Variants in DOCK8 observed in about 807,000 individuals in gnomAD.
The protein encoded by DOCK8 is dedicator of cytokinesis 8.
Under a neutral mutation model 245.6 loss-of-function variants are expected in DOCK8, and 141 were observed. The observed-to-expected ratio is 0.57, with a 90% CI of 0.50 to 0.66. The LOEUF is 0.66. DOCK8 is among the 30% of genes least tolerant of loss of function. DOCK8 has a pLI of 0.00. For missense variants in DOCK8, 2,965 were observed against 2,603.4 expected (o/e 1.14, Z -3.02); for synonymous variants, 1,168 against 970.2 (o/e 1.20, Z -3.79).
At chr9:367,174 C>G (rs1455202528) in intron 14 of DOCK8, among the ~76,000 whole-genome samples, 1 of 152,182 alleles carries the variant, frequency 6.6e-6, no homozygotes, top group Non-Finnish European at 1.5e-5. Flanking sequence ...TGGCCTGACT[C>G]AGGATAAGTC....
In DOCK8 at chr9:336,900, T is replaced by G. The variant is rs11791613; in HGVS notation, c.1422+182T>G. ...GGGTAATTTAAAAAGAAAAGGGATT[T>G]GTTTCTTTCAGTTTTGAAGGCTGAA... On this transcript the variant is annotated intron_variant, in intron 12 of 47. Transcript: ENST00000432829. Among the ~76,000 whole-genome samples, 13,729 of 152,176 alleles carry G rather than the reference T, an allele frequency of 0.09. 1,156 individuals are homozygous for G. Among genetic ancestry groups the G allele is most frequent in the African/African-American group, 0.22 (9,085 of 41,484 alleles).
chr9:425,162 CAT>C (rs2056432879), intron 33 of DOCK8, among the ~76,000 whole-genome samples: 1 of 152,012 alleles, frequency 6.6e-6, no homozygotes, highest in Admixed American at 6.6e-5. Context: ...TATAAAATGA[CAT>C]ATGTGGCCCC....
Position 340,413 on chromosome 9 carries a change from G to A in DOCK8, c.1679+92G>A, listed in dbSNP as rs1012562382. The A allele has an allele frequency of 1.7e-5, 26 of 1,532,056 alleles. No individual in the cohort carries two copies. In the African/African-American group the frequency reaches 2.9e-4, roughly 17 times the overall value. 94.9% of individuals were successfully genotyped at this position (1,532,056 alleles called of 1,614,324 possible). On this transcript the variant is annotated intron_variant, in intron 14 of 47. Coordinates refer to ENST00000432829, the MANE Select transcript of DOCK8 (RefSeq NM_203447.4). Reference sequence around the variant, plus strand: ...AGGCAGGAGGATTGCTTGAGCTCAGGAGTTTGAGACCAGCCTTGGCAACAT... The same window carrying A: ...AGGCAGGAGGATTGCTTGAGCTCAGAAGTTTGAGACCAGCCTTGGCAACAT...
At chr9:332,517 G>C (rs1364438453) in intron 10 of DOCK8, 39 bp downstream of exon 10, 1 of 1,436,154 alleles carries the variant, frequency 7.0e-7, no homozygotes, top group Non-Finnish European at 9.8e-7. Context: ...AGACATCTTA[G>C]AAGAAGCAGG....
At position 418,061 on chromosome 9, in the gene DOCK8, A is replaced by G. The variant is rs770070440; in HGVS notation, c.3701-7A>G. 4.3e-6 allele frequency: 7 copies of G among 1,614,088 alleles called. No individual in the cohort carries two copies. Among genetic ancestry groups the G allele is most frequent in the African/African-American group, 1.3e-5 (1 of 74,944 alleles). On this transcript the variant is annotated splice_polypyrimidine_tract_variant and splice_region_variant and intron_variant, in intron 29 of 47. Coordinates refer to ENST00000432829, the MANE Select transcript of DOCK8 (RefSeq NM_203447.4). ...ACTTGACATCACAAACGATGTTTTC[A>G]TTGCAGTTGCAGATACTCGCAGATA...
chr9:382,691 A>G lies in DOCK8; in HGVS notation c.2778+6A>G. 1.2e-6 allele frequency: 2 copies of G among 1,614,134 alleles called. No individual in the cohort carries two copies. The highest frequency in any genetic ancestry group is 2.2e-5 in the South Asian group (2 of 91,086). Reference sequence around the variant, plus strand: ...AGAACATCATGTCTTCAAAGGTAGGAAAGATGTCAAACCGTGGAAGGGGAC... The same window carrying G: ...AGAACATCATGTCTTCAAAGGTAGGGAAGATGTCAAACCGTGGAAGGGGAC... On this transcript the variant is annotated splice_donor_region_variant and intron_variant, in intron 22 of 47. Coordinates refer to ENST00000432829, the MANE Select transcript of DOCK8 (RefSeq NM_203447.4).
At chr9:332,818 T>A (rs1455100484) in intron 10 of DOCK8, among the ~76,000 whole-genome samples, 1 of 151,848 alleles carries the variant, frequency 6.6e-6, no homozygotes, top group South Asian at 2.1e-4. Flanking sequence ...CCACCATGCT[T>A]GGCTAGTTTT....
rs1320021708 is a variant in DOCK8 at position 334,340 on chromosome 9, T to G, written c.1241T>G (p.Val414Gly). The part of the protein sequence containing the change: ...APISLSSFFN[V>G]STLEREVTDV... ...ATAAGCTTATCAAGCTTCTTCAATG[T>G]CTCCACCCTTGAGAGGGAGGTAACT... Residue 414 changes from valine to glycine, a missense_variant, in exon 11 of 48, where the codon GTC (valine) becomes GGC (glycine). Around this residue, in one of 3 missense-constraint regions of DOCK8, gnomAD observed 2,825 missense variants for 2,453.5 expected, o/e 1.15. Coordinates refer to ENST00000432829, the MANE Select transcript of DOCK8 (RefSeq NM_203447.4). 6 of 1,614,148 alleles carry G rather than the reference T, an allele frequency of 3.7e-6. No homozygotes were observed. Among genetic ancestry groups the G allele is most frequent in the Non-Finnish European group, 5.1e-6 (6 of 1,179,994 alleles).
chr9:212,235 A>T (rs1181855808), upstream of DOCK8, among the ~76,000 whole-genome samples: 3 of 152,222 alleles, frequency 2.0e-5, no homozygotes, highest in African/African-American at 7.2e-5. Context: ...TAAAATAGGT[A>T]AGATGCAATG....
chr9:428,542 TTCTCATCTAGCTTCATACTTC>T, intron 35 of DOCK8, 46 bp downstream of exon 35: 2 of 1,608,746 alleles, frequency 1.2e-6, no homozygotes, highest in Non-Finnish European at 8.5e-7. Flanking sequence ...AAGAGTAAGA[TTCTCATCTAGCTTCATACTTC>T]TCTCTTCAGG....
intron 1 of DOCK8, chr9:215,272 C>T (rs769490613): frequency 2.5e-6 from 4 of 1,606,620 alleles, no homozygotes; most frequent in South Asian, 2.2e-5. Context: ...TGTCCTCAGC[C>T]GCCGGGGATC....
chr9:288,723 G>C (rs1393317176), intron 3 of DOCK8, among the ~76,000 whole-genome samples: 1 of 152,122 alleles, frequency 6.6e-6, no homozygotes, highest in Non-Finnish European at 1.5e-5. Flanking sequence ...ACTGGCTTAT[G>C]GTCACATAGC....
intron 5 of DOCK8, among the ~76,000 whole-genome samples, chr9:310,937 A>G (rs1179369288): frequency 6.6e-6 from 1 of 152,194 alleles, no homozygotes; most frequent in Non-Finnish European, 1.5e-5. Flanking sequence ...CAATATGGCA[A>G]AGCATGAGAG....
At chr9:348,436 A>G (rs2130994547) in intron 14 of DOCK8, among the ~76,000 whole-genome samples, 1 of 152,328 alleles carries the variant, frequency 6.6e-6, no homozygotes, top group South Asian at 2.1e-4. Context: ...GTTACAGCCC[A>G]TATAGAACGG....
At chr9:282,086 A>C (rs748892349) in intron 2 of DOCK8, among the ~76,000 whole-genome samples, 3 of 152,182 alleles carry the variant, frequency 2.0e-5, no homozygotes, top group Non-Finnish European at 2.9e-5. Flanking sequence ...ATGATGATAT[A>C]TGTTCTTTAT....
intron 18 of DOCK8, among the ~76,000 whole-genome samples, chr9:373,033 G>A (rs1160918521): frequency 6.6e-6 from 1 of 152,184 alleles, no homozygotes; most frequent in Non-Finnish European, 1.5e-5. Flanking sequence ...CGGGCGTGGT[G>A]GCGGGTGCCT....
chr9:381,498 A>G (rs989359426), intron 21 of DOCK8: 1 of 152,226 alleles, frequency 6.6e-6, no homozygotes, highest in African/African-American at 2.4e-5. Context: ...ACTCTTCTTA[A>G]TTATTTACAT....
intron 39 of DOCK8, among the ~76,000 whole-genome samples, chr9:436,872 G>T (rs2056921862): frequency 6.6e-6 from 1 of 152,134 alleles, no homozygotes; most frequent in East Asian, 1.9e-4. Flanking sequence ...ATAATTATGA[G>T]AAATACTGTT....
At position 396,879 on chromosome 9, in the gene DOCK8, C is replaced by G. The variant is rs777964441; in HGVS notation, c.3065C>G (p.Thr1022Ser). The G allele has an allele frequency of 8.7e-6, 14 of 1,614,136 alleles. No individual in the cohort carries two copies. The highest frequency in any genetic ancestry group is 2.2e-5 in the East Asian group (1 of 44,892). Residue 1022 changes from threonine to serine, a missense_variant, in exon 25 of 48, where the codon ACT (threonine) becomes AGT (serine). Thr to Ser is a moderately conservative substitution (Grantham distance 58). This residue lies in a region of DOCK8 where 2,825 missense variants were observed against 2,453.5 expected (regional missense o/e 1.15). Transcript: ENST00000432829. ...FSDRFMDDIT[T>S]IVNVVTSEIA... ...GACCGTTTCATGGATGACATAACTACTATTGTTAATGTGGTCACCTCGGAA... is the reference window on the plus strand; with the variant it reads ...GACCGTTTCATGGATGACATAACTAGTATTGTTAATGTGGTCACCTCGGAA...
Sources: gnomAD v4.1 joint callset for allele counts (sites outside exome capture counted in the v4.1 genomes callset) on GRCh38, gnomAD v4.1.1 for gene constraint, gnomAD v4.1.1 regional missense constraint, MANE v1.5 for transcripts, NCBI Gene and HGNC (gene_info 2026-07-23, HGNC 2026-07-21) for gene names.